Variants in UGT1A8 observed in about 807,000 individuals in gnomAD.
UGT1A8 encodes UDP glucuronosyltransferase family 1 member A8.
A neutral mutation model predicts 45.3 loss-of-function variants in UGT1A8; 39 were observed. That is an observed-to-expected ratio of 0.86 (90% CI 0.67 to 1.12). The LOEUF (loss-of-function observed/expected upper bound fraction) is 1.12, where lower values mean the gene tolerates loss of function less well. UGT1A8 is among the 50% of genes most tolerant of loss of function. The pLI, the probability that UGT1A8 is intolerant of heterozygous loss-of-function variation, is 0.00. For synonymous variants in UGT1A8, 275 were observed against 249.2 expected (o/e 1.10, Z -0.97); for missense variants, 719 against 664.9 (o/e 1.08, Z -0.90).
chr2:233,663,984 A>C (rs1338039332), intron 1 of UGT1A8, among the ~76,000 whole-genome samples: 1 of 152,220 alleles, frequency 6.6e-6, no homozygotes, highest in African/African-American at 2.4e-5. Flanking sequence ...ACAAGCAGCC[A>C]GGCCACATCT....
chr2:233,659,964 G>C (rs1575407256), intron 1 of UGT1A8, among the ~76,000 whole-genome samples: 1 of 152,146 alleles, frequency 6.6e-6, no homozygotes. Flanking sequence ...TAATTCCTCA[G>C]GTGTGGTGTC....
chr2:233,751,561 A>T (rs1575707240), intron 1 of UGT1A8, among the ~76,000 whole-genome samples: 1 of 152,202 alleles, frequency 6.6e-6, no homozygotes, highest in African/African-American at 2.4e-5. Flanking sequence ...TCTCATCTCA[A>T]ATTGTAATCT....
chr2:233,696,161 G>GA (rs943531214), intron 1 of UGT1A8, among the ~76,000 whole-genome samples: 5 of 151,944 alleles, frequency 3.3e-5, no homozygotes, highest in African/African-American at 4.8e-5. Context: ...ATATCCAAAA[G>GA]AAAAAAATAT....
At chr2:233,683,620 T>G (rs1193714646) in intron 1 of UGT1A8, among the ~76,000 whole-genome samples, 1 of 152,194 alleles carries the variant, frequency 6.6e-6, no homozygotes, top group Non-Finnish European at 1.5e-5. Flanking sequence ...GATTCTGTTT[T>G]ATTTCCATAA....
chr2:233,758,784 C>CAGT (rs1243444315), intron 1 of UGT1A8, among the ~76,000 whole-genome samples: 1 of 152,158 alleles, frequency 6.6e-6, no homozygotes, highest in Non-Finnish European at 1.5e-5. Context: ...GGGATCTGTG[C>CAGT]AGTTATCTTG....
intron 1 of UGT1A8, among the ~76,000 whole-genome samples, chr2:233,644,536 A>G (rs1394538064): frequency 6.6e-6 from 1 of 152,232 alleles, no homozygotes; most frequent in Non-Finnish European, 1.5e-5. Context: ...ACTCCAGCCT[A>G]GATGACAGAG....
At chr2:233,746,500 G>A (rs1693410791) in intron 1 of UGT1A8, among the ~76,000 whole-genome samples, 1 of 151,712 alleles carries the variant, frequency 6.6e-6, no homozygotes, top group African/African-American at 2.4e-5. Context: ...TCACTCTTTA[G>A]TAGCCCCCAA....
chr2:233,757,550 A>ATATATATATATATATATAT (rs1696620678), intron 1 of UGT1A8, among the ~76,000 whole-genome samples: 1 of 129,576 alleles, frequency 7.7e-6, no homozygotes, highest in Non-Finnish European at 1.6e-5. Context: ...ATATATATAT[A>ATATATATATATATATATAT]TATATATATA....
At chr2:233,739,887 A>G (rs1419215414) in intron 1 of UGT1A8, among the ~76,000 whole-genome samples, 1 of 151,912 alleles carries the variant, frequency 6.6e-6, no homozygotes, top group African/African-American at 2.4e-5. Context: ...GTGTGTTTCC[A>G]CCCAAATCTC....
At chr2:233,761,270 C>G (rs990068200) in intron 1 of UGT1A8, 25 of 1,591,850 alleles carry the variant, frequency 1.6e-5, no homozygotes, top group Non-Finnish European at 2.1e-5. Flanking sequence ...AAAATGCCCT[C>G]TTTTGTTAAT....
chr2:233,687,973 C>T (rs553009800), intron 1 of UGT1A8, among the ~76,000 whole-genome samples: 4 of 152,292 alleles, frequency 2.6e-5, no homozygotes, highest in African/African-American at 7.2e-5. Context: ...ATTCATGTAT[C>T]GTAAAATTCA....
At chr2:233,628,348 T>G (rs1345734038) in intron 1 of UGT1A8, among the ~76,000 whole-genome samples, 1 of 152,044 alleles carries the variant, frequency 6.6e-6, no homozygotes, top group Non-Finnish European at 1.5e-5. Flanking sequence ...AGAAATTTCT[T>G]AAAATTTTTG....
At chr2:233,741,668 T>C (rs1315003933) in intron 1 of UGT1A8, 1 of 151,924 alleles carries the variant, frequency 6.6e-6, no homozygotes, top group African/African-American at 2.4e-5. Context: ...GTTCCTGCTG[T>C]TTATTGCTTG....
chr2:233,693,990 T>TA, intron 1 of UGT1A8: 1 of 1,534,128 alleles, frequency 6.5e-7, no homozygotes, highest in African/African-American at 1.4e-5. Context: ...GGGGAAGTGA[T>TA]ACCCGGCTCG....
At chr2:233,742,811 A>G (rs1335727618) in intron 1 of UGT1A8, 2 of 153,508 alleles carry the variant, frequency 1.3e-5, no homozygotes, top group Non-Finnish European at 2.9e-5. Flanking sequence ...AAGTATTGAT[A>G]TTATTTGTAG....
At chr2:233,770,243 A>G (rs1307269506) in intron 4 of UGT1A8, 1 of 152,248 alleles carries the variant, frequency 6.6e-6, no homozygotes, top group African/African-American at 2.4e-5. Context: ...CCATGATTCC[A>G]ACACTCTGAG....
intron 1 of UGT1A8, chr2:233,729,363 C>A (rs747061628): frequency 6.2e-7 from 1 of 1,614,038 alleles, no homozygotes; most frequent in Admixed American, 1.7e-5. Context: ...CCCTGACAAC[C>A]TATGCCATTT....
intron 1 of UGT1A8, among the ~76,000 whole-genome samples, chr2:233,736,673 G>T (rs780660249): frequency 2.0e-4 from 30 of 152,198 alleles, no homozygotes; most frequent in Non-Finnish European, 3.5e-4. Context: ...TTAGGTCTTT[G>T]ATGTTGGTGA....
At position 233,618,251 on chromosome 2, in the gene UGT1A8, C is replaced by T. The variant is rs1003369239; in HGVS notation, c.544C>T (p.Gln182Ter). ...IACHYLEEGAQCPAPLSYVPR... is the reference protein window; with the variant it reads ...IACHYLEEGA ...TTGCCACTATCTTGAAGAAGGTGCACAGTGCCCTGCTCCTCTTTCCTATGT... is the reference window on the plus strand; with the variant it reads ...TTGCCACTATCTTGAAGAAGGTGCATAGTGCCCTGCTCCTCTTTCCTATGT... Residue 182 changes from glutamine (Q) to a stop codon, truncating the protein, a stop_gained, in exon 1 of 5, where the codon CAG becomes TAG. Coordinates refer to ENST00000373450, the MANE Select transcript of UGT1A8 (RefSeq NM_019076.5). LOFTEE classifies it high-confidence loss of function. 7 of 1,613,830 alleles carry T rather than the reference C, an allele frequency of 4.3e-6. No individual in the cohort carries two copies. The Admixed American group carries it at 8.3e-5, about 19-fold the overall frequency.
Sources: allele counts gnomAD v4.1 joint callset (sites outside exome capture counted in the v4.1 genomes callset), GRCh38; gene constraint gnomAD v4.1.1; transcripts MANE v1.5; gene names NCBI Gene and HGNC (gene_info 2026-07-23, HGNC 2026-07-21).